Variants in PLB1 observed in about 807,000 individuals in gnomAD.
PLB1 encodes phospholipase B1.
Under a neutral mutation model 227.4 loss-of-function variants are expected in PLB1, and 242 were observed. The observed-to-expected ratio is 1.06, with a 90% CI of 0.96 to 1.18. PLB1 has a LOEUF of 1.18. Ranked by LOEUF, PLB1 falls within the 50% of genes most tolerant of loss-of-function variation. The pLI is 0.00. For synonymous variants in PLB1, 757 were observed against 682.2 expected (o/e 1.11, Z -1.71); for missense variants, 1,858 against 1,816.3 (o/e 1.02, Z -0.42).
At chr2:28,626,580 C>A in intron 51 of PLB1, 72 bp downstream of exon 51, 1 of 1,372,574 alleles carries the variant, frequency 7.3e-7, no homozygotes, top group Non-Finnish European at 1.0e-6. Context: ...CTTGCCCATC[C>A]ATCCCTGGCC....
intron 54 of PLB1, among the ~76,000 whole-genome samples, chr2:28,631,152 CAAA>C (rs56107032): frequency 2.9e-5 from 4 of 137,672 alleles, no homozygotes; most frequent in Non-Finnish European, 1.6e-5. Context: ...GACCCTATCT[CAAA>C]AAAAAAAAAA....
intron 50 of PLB1, 77 bp downstream of exon 50, chr2:28,625,185 T>A: frequency 2.9e-6 from 4 of 1,365,374 alleles, no homozygotes; most frequent in Non-Finnish European, 4.2e-6. Context: ...CCCATAAGGG[T>A]CCCTCTCACC....
intron 39 of PLB1, among the ~76,000 whole-genome samples, chr2:28,603,342 T>TG (rs1452687236): frequency 2.0e-5 from 3 of 152,338 alleles, no homozygotes; most frequent in African/African-American, 7.2e-5. Context: ...AGCTTCAAAC[T>TG]GGGAGTGTTT....
chr2:28,543,305 A>T, intron 14 of PLB1, 37 bp downstream of exon 14: 1 of 1,596,890 alleles, frequency 6.3e-7, no homozygotes, highest in Non-Finnish European at 8.5e-7. Flanking sequence ...CCCACAGAGG[A>T]GGGGCAAGGT....
chr2:28,566,941 C>CT (rs1677042160), intron 20 of PLB1, 102 bp downstream of exon 20: 1 of 1,357,470 alleles, frequency 7.4e-7, no homozygotes, highest in African/African-American at 1.4e-5. Context: ...GCCCCGGCTG[C>CT]AGGAGCCCGC....
chr2:28,642,751 G>A (rs937040852), intron 57 of PLB1, 107 bp from the exon 58 acceptor site: 22 of 982,386 alleles, frequency 2.2e-5, no homozygotes, highest in Admixed American at 2.2e-4. Flanking sequence ...CTGTGAAAAC[G>A]TGCAGGGTTA....
chr2:28,557,805 A>G (rs1277511792), intron 17 of PLB1, among the ~76,000 whole-genome samples: 1 of 152,242 alleles, frequency 6.6e-6, no homozygotes, highest in Non-Finnish European at 1.5e-5. Flanking sequence ...AGCAACTGCT[A>G]AAGTGCTTTA....
chr2:28,578,082 C>A, intron 21 of PLB1, 25 bp from the exon 22 acceptor site: 2 of 1,612,864 alleles, frequency 1.2e-6, no homozygotes, highest in Middle Eastern at 3.3e-4. Context: ...CTCCTCACAG[C>A]ACTTCCTCTG....
At chr2:28,604,784 G>T in intron 41 of PLB1, 25 bp downstream of exon 41, 1 of 1,598,726 alleles carries the variant, frequency 6.3e-7, no homozygotes, top group South Asian at 1.1e-5. Flanking sequence ...CTCACCCATG[G>T]TACTCTTTTA....
intron 25 of PLB1, among the ~76,000 whole-genome samples, chr2:28,583,415 C>T (rs139571432): frequency 1.6e-3 from 244 of 152,144 alleles, no homozygotes; most frequent in African/African-American, 5.8e-3. Flanking sequence ...AACTGCTGAC[C>T]TCAGGTGATC....
intron 44 of PLB1, among the ~76,000 whole-genome samples, chr2:28,615,014 G>A (rs747347636): frequency 6.6e-6 from 1 of 152,134 alleles, no homozygotes; most frequent in Non-Finnish European, 1.5e-5. Context: ...GAGCGTGATG[G>A]GGCTGGGGCA....
chr2:28,589,781 G>A lies in PLB1; in HGVS notation c.2016+11G>A. The A allele has an allele frequency of 6.2e-7, 1 of 1,610,394 alleles. No homozygotes were observed. Among genetic ancestry groups the A allele is most frequent in the Non-Finnish European group, 8.5e-7 (1 of 1,177,150 alleles). On this transcript the variant is annotated intron_variant, in intron 28 of 57. Transcript: ENST00000327757. ...CTCTGGAACAATATGGTAAGTGGCT[G>A]CGGTAGGAAAATGCATCCTCCCTCT...
intron 20 of PLB1, among the ~76,000 whole-genome samples, chr2:28,570,638 T>G (rs1677853632): frequency 6.6e-6 from 1 of 152,042 alleles, no homozygotes; most frequent in South Asian, 2.1e-4. Context: ...ACACAAAAAT[T>G]AGTTGGGTGT....
intron 49 of PLB1, among the ~76,000 whole-genome samples, chr2:28,624,017 A>C (rs1017991783): frequency 1.3e-5 from 2 of 152,150 alleles, no homozygotes; most frequent in African/African-American, 4.8e-5. Flanking sequence ...GGATCACTTG[A>C]GCTCAGAGGG....
At chr2:28,546,844 G>A (rs773008294) in intron 14 of PLB1, among the ~76,000 whole-genome samples, 2 of 152,136 alleles carry the variant, frequency 1.3e-5, no homozygotes, top group Non-Finnish European at 2.9e-5. Context: ...CTTTGTCAGA[G>A]TCATTTAGAT....
intron 30 of PLB1, 90 bp downstream of exon 30, chr2:28,591,261 G>A: frequency 2.6e-6 from 4 of 1,534,886 alleles, no homozygotes; most frequent in Non-Finnish European, 3.6e-6. Context: ...GGGTGGGAAA[G>A]CGGGCAAGAG....
At chr2:28,515,999 A>G (rs948170415) in intron 1 of PLB1, among the ~76,000 whole-genome samples, 2 of 152,248 alleles carry the variant, frequency 1.3e-5, no homozygotes, top group African/African-American at 4.8e-5. Flanking sequence ...TCATGAAAAA[A>G]TGAACAAACA....
chr2:28,597,264 G>GGA (rs1683114172), intron 33 of PLB1, among the ~76,000 whole-genome samples: 4 of 85,540 alleles, frequency 4.7e-5, no homozygotes, highest in Non-Finnish European at 7.2e-5. Context: ...ACTCCGTCTC[G>GGA]AAAAAAAAAA....
intron 1 of PLB1, among the ~76,000 whole-genome samples, chr2:28,511,073 T>C (rs932747643): frequency 6.6e-6 from 1 of 152,194 alleles, no homozygotes; most frequent in Non-Finnish European, 1.5e-5. Context: ...CCTTGACTTA[T>C]TAAAGTCTAA....
Sources: gnomAD v4.1 joint callset for allele counts (sites outside exome capture counted in the v4.1 genomes callset) on GRCh38, gnomAD v4.1.1 for gene constraint, MANE v1.5 for transcripts, NCBI Gene and HGNC (gene_info 2026-07-23, HGNC 2026-07-21) for gene names.